Variants in SPATA17 observed in about 807,000 individuals in gnomAD.
The protein encoded by SPATA17 is spermatogenesis associated 17.
SPATA17 carries 53 observed loss-of-function variants against 62.2 expected under a neutral mutation model. The observed-to-expected ratio is 0.85, with a 90% CI of 0.68 to 1.07. The LOEUF (loss-of-function observed/expected upper bound fraction) is 1.07. Among genes scored for constraint, SPATA17 ranks in the 50% least tolerant of loss-of-function variants. The pLI is 0.00. For synonymous variants in SPATA17, 146 were observed against 146.8 expected (o/e 0.99, Z 0.04); for missense variants, 466 against 425.5 (o/e 1.10, Z -0.84).
intron 9 of SPATA17, among the ~76,000 whole-genome samples, chr1:217,826,753 TA>T (rs1294439988): frequency 6.6e-6 from 1 of 152,132 alleles, no homozygotes; most frequent in Non-Finnish European, 1.5e-5. Flanking sequence ...CTCAAGGCAT[TA>T]AAACATAATA....
At chr1:217,703,233 C>T (rs898166321) in intron 5 of SPATA17, among the ~76,000 whole-genome samples, 3 of 142,646 alleles carry the variant, frequency 2.1e-5, no homozygotes, top group African/African-American at 5.3e-5. Context: ...TACAGTGGTG[C>T]GATCTCAGCT....
In SPATA17 at chr1:217,778,826, T is replaced by A. The variant is rs1015805432; in HGVS notation, c.724-3348T>A. Among the ~76,000 whole-genome samples, 10 of 152,314 alleles carry A rather than the reference T, an allele frequency of 6.6e-5. No individual in the cohort carries two copies. The South Asian group carries it at 1.2e-3, about 19-fold the overall frequency. On this transcript the variant is annotated intron_variant, in intron 7 of 10. Coordinates refer to ENST00000366933, the MANE Select transcript of SPATA17 (RefSeq NM_138796.4). ...TGCCCTGCTTTTAATATACTTTTAA[T>A]GATGTGTCTTCTTCTACACTTGTCA...
At chr1:217,844,463 A>G (rs1459491354) in intron 9 of SPATA17, among the ~76,000 whole-genome samples, 1 of 151,986 alleles carries the variant, frequency 6.6e-6, no homozygotes, top group African/African-American at 2.4e-5. Flanking sequence ...TCTTACTCCT[A>G]GTGTGTTTTA....
At chr1:217,701,607 G>C (rs1473449705) in intron 5 of SPATA17, among the ~76,000 whole-genome samples, 1 of 150,102 alleles carries the variant, frequency 6.7e-6, no homozygotes, top group Non-Finnish European at 1.5e-5. Flanking sequence ...GGCTGGTCTT[G>C]AACTCCTGAC....
chr1:217,713,044 G>GCACT (rs1231318590), intron 5 of SPATA17, among the ~76,000 whole-genome samples: 6 of 152,122 alleles, frequency 3.9e-5, no homozygotes, highest in South Asian at 4.1e-4. Context: ...TCTTTCTCCT[G>GCACT]CACTCTAATT....
At chr1:217,789,423 C>A (rs1436369473) in intron 8 of SPATA17, among the ~76,000 whole-genome samples, 1 of 152,116 alleles carries the variant, frequency 6.6e-6, no homozygotes, top group Non-Finnish European at 1.5e-5. Flanking sequence ...TCCATTCACC[C>A]ACCACAGTAA....
At position 217,714,488 on chromosome 1, in the gene SPATA17, C is replaced by CTTTTTTTTTTTTTTTTTTTTT. The variant is rs750665329; in HGVS notation, c.396-27473_396-27472insTTTTTTTTTTTTTTTTTTTTT. Among the ~76,000 whole-genome samples, 13 of 121,428 alleles carry CTTTTTTTTTTTTTTTTTTTTT rather than the reference C, an allele frequency of 1.1e-4. 2 individuals carry two copies. Among genetic ancestry groups the CTTTTTTTTTTTTTTTTTTTTT allele is most frequent in the South Asian group, 2.6e-4 (1 of 3,854 alleles). The allele number at this position is 121,428 out of a possible 152,430, so 79.7% of individuals were successfully genotyped here. A position where few individuals can be genotyped will look rare whatever the true frequency, so the allele number is the denominator to read the frequency against. On this transcript the variant is annotated intron_variant, in intron 5 of 10. Transcript: ENST00000366933. ...TGAGTTGAACGTGGAAAACGTGTTT[C>CTTTTTTTTTTTTTTTTTTTTT]TTTTTTTTTTTTTTGAGACAGAGTC...
At chr1:217,711,249 A>T (rs527897860) in intron 5 of SPATA17, among the ~76,000 whole-genome samples, 11 of 152,154 alleles carry the variant, frequency 7.2e-5, no homozygotes, top group Non-Finnish European at 1.6e-4. Context: ...CCAGGTAATA[A>T]ACATAGTACC....
intron 5 of SPATA17, among the ~76,000 whole-genome samples, chr1:217,704,891 A>T (rs557672101): frequency 4.6e-5 from 7 of 152,278 alleles, no homozygotes; most frequent in African/African-American, 1.7e-4. Flanking sequence ...TTATGGCAGA[A>T]TGGTTTGTAT....
At chr1:217,672,393 A>G (rs936793478) in intron 4 of SPATA17, among the ~76,000 whole-genome samples, 2 of 152,216 alleles carry the variant, frequency 1.3e-5, no homozygotes, top group East Asian at 1.9e-4. Context: ...ACAGACATAT[A>G]TGTACCCAAA....
At chr1:217,719,730 G>A (rs1476566962) in intron 5 of SPATA17, among the ~76,000 whole-genome samples, 1 of 152,172 alleles carries the variant, frequency 6.6e-6, no homozygotes, top group Non-Finnish European at 1.5e-5. Flanking sequence ...TAAATATTGG[G>A]AGAAGTTACC....
chr1:217,820,848 G>A (rs893261531), intron 9 of SPATA17, among the ~76,000 whole-genome samples: 1 of 143,252 alleles, frequency 7.0e-6, no homozygotes. Context: ...ACCTGAAGCC[G>A]GGTAGTTTTT....
intron 5 of SPATA17, among the ~76,000 whole-genome samples, chr1:217,683,836 T>TA (rs1183556029): frequency 6.6e-6 from 1 of 151,954 alleles, no homozygotes; most frequent in Admixed American, 6.6e-5. Context: ...ATTATTATAT[T>TA]AAAAAAATCT....
At chr1:217,714,287 G>T (rs985508648) in intron 5 of SPATA17, among the ~76,000 whole-genome samples, 1 of 151,780 alleles carries the variant, frequency 6.6e-6, no homozygotes, top group Non-Finnish European at 1.5e-5. Context: ...TACTCAGGAA[G>T]TTGATGCAGG....
At chr1:217,770,837 G>C in intron 6 of SPATA17, among the ~76,000 whole-genome samples, 1 of 151,876 alleles carries the variant, frequency 6.6e-6, no homozygotes, top group Admixed American at 6.6e-5. Flanking sequence ...TAATGCTAGG[G>C]GTGACTGGGT....
rs190740362 is a variant in SPATA17, at chr1:217,842,884, T to C, written c.1006-19890T>C. 3.5e-3 allele frequency among the ~76,000 whole-genome samples: 532 copies of C among 152,224 alleles called. 4 individuals carry two copies. The highest frequency in any genetic ancestry group is 5.2e-3 in the Non-Finnish European group (353 of 67,994). Reference sequence around the variant, plus strand: ...TATTTTTAATCTATGTATATAAGGCTATAAATTTCCCTCAGAACATGTGCT... The same window carrying C: ...TATTTTTAATCTATGTATATAAGGCCATAAATTTCCCTCAGAACATGTGCT... On this transcript the variant is annotated intron_variant, in intron 9 of 10. Transcript: ENST00000366933.
At chr1:217,798,898 C>T (rs35639165) in intron 8 of SPATA17, among the ~76,000 whole-genome samples, 43,764 of 146,642 alleles carry the variant, frequency 0.3, 7,834 homozygotes, top group Non-Finnish European at 0.39. Context: ...TTTTCTGAGA[C>T]GGAGTCTCAC....
At chr1:217,738,481 C>A (rs1315854579) in intron 5 of SPATA17, among the ~76,000 whole-genome samples, 1 of 152,194 alleles carries the variant, frequency 6.6e-6, no homozygotes, top group African/African-American at 2.4e-5. Context: ...TTACTGTGTA[C>A]CAGCCACTAT....
intron 4 of SPATA17, among the ~76,000 whole-genome samples, chr1:217,680,696 G>A (rs902617571): frequency 8.0e-5 from 12 of 150,324 alleles, no homozygotes; most frequent in East Asian, 2.0e-4. Context: ...AGGCCAAGGC[G>A]GGAGGATCAT....
Sources: gnomAD v4.1 joint callset for allele counts (sites outside exome capture counted in the v4.1 genomes callset) on GRCh38, gnomAD v4.1.1 for gene constraint, MANE v1.5 for transcripts, NCBI Gene and HGNC (gene_info 2026-07-23, HGNC 2026-07-21) for gene names.